The following TXNRD1 variants were observed in gnomAD, a reference collection of about 807,000 sequenced individuals.
TXNRD1 encodes the protein thioredoxin reductase 1, also known as thioredoxin reductase 1, cytoplasmic.
TXNRD1 carries 57 observed loss-of-function variants against 80.3 expected under a neutral mutation model. The ratio of observed to expected loss-of-function variants is 0.71; its 90% CI spans 0.57 to 0.89. The LOEUF (loss-of-function observed/expected upper bound fraction) is 0.89, where lower values mean the gene tolerates loss of function less well. TXNRD1 is among the 40% of genes least tolerant of loss of function. TXNRD1 has a pLI of 0.00. For missense variants in TXNRD1, 730 were observed against 803.0 expected (o/e 0.91, Z 1.10); for synonymous variants, 291 against 285.2 (o/e 1.02, Z -0.20).
At chr12:104,263,027 T>C (rs946858007) in intron 3 of TXNRD1, among the ~76,000 whole-genome samples, 1 of 152,204 alleles carries the variant, frequency 6.6e-6, no homozygotes, top group Non-Finnish European at 1.5e-5. Context: ...TTAAGGTTAT[T>C]ATTTGAAAAC....
chr12:104,263,153 T>A (rs534863035), intron 3 of TXNRD1, among the ~76,000 whole-genome samples: 1 of 152,276 alleles, frequency 6.6e-6, no homozygotes, highest in African/African-American at 2.4e-5. Context: ...ATACATGCTA[T>A]CCTCCTTGTG....
At chr12:104,217,575 G>T (rs1470447106) in intron 1 of TXNRD1, among the ~76,000 whole-genome samples, 2 of 152,132 alleles carry the variant, frequency 1.3e-5, no homozygotes, top group Non-Finnish European at 2.9e-5. Context: ...TCCCCAAAGT[G>T]CTGGGATTAC....
At chr12:104,222,653 G>A (rs1038116073) in intron 1 of TXNRD1, among the ~76,000 whole-genome samples, 1 of 152,192 alleles carries the variant, frequency 6.6e-6, no homozygotes, top group Non-Finnish European at 1.5e-5. Flanking sequence ...AGGAGTTCGA[G>A]ACCAGTCTGG....
intron 1 of TXNRD1, among the ~76,000 whole-genome samples, chr12:104,242,513 A>G (rs2032896077): frequency 6.6e-6 from 1 of 151,972 alleles, no homozygotes; most frequent in Non-Finnish European, 1.5e-5. Context: ...GTGCCATTGC[A>G]ATCCAGCATG....
At chr12:104,275,347 A>G (rs973004584) in intron 3 of TXNRD1, among the ~76,000 whole-genome samples, 1 of 152,086 alleles carries the variant, frequency 6.6e-6, no homozygotes. Context: ...ATGAGAATAT[A>G]TGCACTGCGG....
chr12:104,309,001 A>G lies in TXNRD1; in HGVS notation c.415-2289A>G, dbSNP rs2035033419. On this transcript the variant is annotated intron_variant, in intron 4 of 16. Transcript: ENST00000525566. The stretch of plus-strand genomic sequence containing the variant: ...CAATCTCCGCCTCCTGGGTTCAAGC[A>G]GTTCTCCTGCCTCAGCCTCCCGAAT... Among the ~76,000 whole-genome samples the G allele has an allele frequency of 2.0e-5, 3 of 149,900 alleles. No individual in the cohort carries two copies. In the East Asian group the frequency reaches 5.9e-4, roughly 29 times the overall value.
At position 104,332,749 on chromosome 12, in the gene TXNRD1, C is replaced by CAAA. The variant is rs34106883; in HGVS notation, c.1650+1128_1650+1130dup. 2.9e-3 allele frequency among the ~76,000 whole-genome samples: 219 copies of CAAA among 76,530 alleles called. 2 individuals are homozygous for CAAA. Among genetic ancestry groups the CAAA allele is most frequent in the African/African-American group, 4.0e-3 (76 of 19,090 alleles). 50.2% of individuals were successfully genotyped at this position (76,530 alleles called of 152,430 possible). On this transcript the variant is annotated intron_variant, in intron 14 of 16. Coordinates refer to ENST00000525566, the MANE Select transcript of TXNRD1 (RefSeq NM_001093771.3). ...GGGCAACAAGAGAGAAACTCCGTCT[C>CAAA]AAAAAAAAAAAAAAAAAAAAAAGAA...
Position 104,302,485 on chromosome 12 carries a change from C to CTTT in TXNRD1, c.415-8805_415-8804insTTT, listed in dbSNP as rs1565887593. On this transcript the variant is annotated intron_variant, in intron 4 of 16. Coordinates refer to ENST00000525566, the MANE Select transcript of TXNRD1 (RefSeq NM_001093771.3). Reference sequence around the variant, plus strand: ...CTTTAAAAACCAGATGTATTCATTCCCTTTTTTTTTTTTTTTTTTTTTGAG... The same window carrying CTTT: ...CTTTAAAAACCAGATGTATTCATTCCTTTCTTTTTTTTTTTTTTTTTTTTTGAG... 1.1e-3 allele frequency among the ~76,000 whole-genome samples: 36 copies of CTTT among 31,766 alleles called. 1 individual carries two copies. Among genetic ancestry groups the CTTT allele is most frequent in the African/African-American group, 6.8e-3 (35 of 5,140 alleles). The allele number at this position is 31,766 out of a possible 152,430, so 20.8% of individuals were successfully genotyped here.
intron 1 of TXNRD1, among the ~76,000 whole-genome samples, chr12:104,232,934 G>T (rs538446293): frequency 6.6e-6 from 1 of 152,294 alleles, no homozygotes; most frequent in African/African-American, 2.4e-5. Context: ...GAGCTGGACC[G>T]CACAATCTAG....
intron 16 of TXNRD1, among the ~76,000 whole-genome samples, chr12:104,341,599 G>T (rs1280372399): frequency 6.6e-6 from 1 of 152,156 alleles, no homozygotes; most frequent in African/African-American, 2.4e-5. Context: ...CCCCAGATTT[G>T]TGGGGGTTTT....
At chr12:104,347,953 G>T (rs899885047) in intron 16 of TXNRD1, among the ~76,000 whole-genome samples, 6 of 152,202 alleles carry the variant, frequency 3.9e-5, no homozygotes, top group Non-Finnish European at 7.4e-5. Flanking sequence ...AGACCAACTC[G>T]GTGGAGGGAA....
intron 1 of TXNRD1, among the ~76,000 whole-genome samples, chr12:104,216,602 T>G (rs1593671763): frequency 6.6e-6 from 1 of 152,226 alleles, no homozygotes; most frequent in African/African-American, 2.4e-5. Flanking sequence ...GGTTCATGTT[T>G]CCAGCCATAC....
In TXNRD1 at chr12:104,323,810, A is replaced by ACC. The variant is rs138772043; in HGVS notation, c.1216-1519_1216-1518dup. ...GGCGGCTGGCCGGGCGGGGGGGCTG[A>ACC]CCCCCCCCCACCTCCCTCCCGGACG... On this transcript the variant is annotated intron_variant, in intron 10 of 16. Coordinates refer to ENST00000525566, the MANE Select transcript of TXNRD1 (RefSeq NM_001093771.3). Among the ~76,000 whole-genome samples the ACC allele has an allele frequency of 9.6e-3, 1,162 of 121,632 alleles. 16 individuals are homozygous for ACC. The highest frequency in any genetic ancestry group is 0.027 in the Admixed American group (353 of 12,848). 79.8% of individuals were successfully genotyped at this position (121,632 alleles called of 152,430 possible). A position where few individuals can be genotyped will look rare whatever the true frequency, so the allele number is the denominator to read the frequency against.
chr12:104,298,062 C>A (rs2034493851), intron 4 of TXNRD1, among the ~76,000 whole-genome samples: 1 of 152,168 alleles, frequency 6.6e-6, no homozygotes, highest in South Asian at 2.1e-4. Flanking sequence ...CAAAGTATTT[C>A]AAATGAGTGA....
chr12:104,222,357 T>C lies in TXNRD1; in HGVS notation c.91+6464T>C, dbSNP rs74786491. Among the ~76,000 whole-genome samples the C allele has an allele frequency of 2.8e-3, 420 of 152,132 alleles. 1 individual carries two copies. The highest frequency in any genetic ancestry group is 9.4e-3 in the African/African-American group (391 of 41,482). On this transcript the variant is annotated intron_variant, in intron 1 of 16. Coordinates refer to ENST00000525566, the MANE Select transcript of TXNRD1 (RefSeq NM_001093771.3). Reference sequence around the variant, plus strand: ...CTGTCAAAGTATGGTTTTCGAAACGTTAAAAATATGATCTTGTACAGAAAA... The same window carrying C: ...CTGTCAAAGTATGGTTTTCGAAACGCTAAAAATATGATCTTGTACAGAAAA...
In TXNRD1 at chr12:104,349,542, T is replaced by C. The variant is rs933711736; in HGVS notation, c.*1121T>C. On this transcript the variant is annotated 3_prime_UTR_variant, in exon 17 of 17. Coordinates refer to ENST00000525566, the MANE Select transcript of TXNRD1 (RefSeq NM_001093771.3). ...AAAACCAAGTGGTTTTGACTTTTTCTGTTGAATGAACAACTGTGCCTTGTG... is the reference window on the plus strand; with the variant it reads ...AAAACCAAGTGGTTTTGACTTTTTCCGTTGAATGAACAACTGTGCCTTGTG... 2 of 152,690 alleles carry C rather than the reference T, an allele frequency of 1.3e-5. No individual in the cohort carries two copies. 9.5% of individuals were successfully genotyped at this position (152,690 alleles called of 1,614,324 possible).
intron 1 of TXNRD1, among the ~76,000 whole-genome samples, chr12:104,225,649 T>G (rs1363959049): frequency 6.6e-6 from 1 of 152,064 alleles, no homozygotes; most frequent in East Asian, 1.9e-4. Flanking sequence ...AAGAGGTGCC[T>G]TCTGCCATGA....
intron 3 of TXNRD1, among the ~76,000 whole-genome samples, chr12:104,263,753 G>T (rs1188276131): frequency 1.3e-5 from 2 of 152,160 alleles, no homozygotes; most frequent in Admixed American, 6.6e-5. Context: ...TAGCTTAGGG[G>T]TTCTGATGTG....
chr12:104,290,457 C>T (rs1406925301), intron 4 of TXNRD1, among the ~76,000 whole-genome samples: 9 of 151,588 alleles, frequency 5.9e-5, no homozygotes, highest in East Asian at 1.9e-4. Context: ...CTTGGGAGGC[C>T]GAGGCAGGCG....
Sources: gnomAD v4.1 joint callset for allele counts (sites outside exome capture counted in the v4.1 genomes callset) on GRCh38, gnomAD v4.1.1 for gene constraint, MANE v1.5 for transcripts, NCBI Gene and HGNC (gene_info 2026-07-23, HGNC 2026-07-21) for gene names.